DNAAF11: variants seen among roughly 807,000 people sequenced by gnomAD.
DNAAF11 encodes the protein dynein axonemal assembly factor 11, also known as leucine rich repeat containing 6.
A neutral mutation model predicts 60.8 loss-of-function variants in DNAAF11; 45 were observed. The observed-to-expected ratio is 0.74, with a 90% CI of 0.58 to 0.95. The LOEUF is 0.95. Among genes scored for constraint, DNAAF11 ranks in the 40% least tolerant of loss-of-function variants. DNAAF11 has a pLI of 0.00. For synonymous variants in DNAAF11, 191 were observed against 183.5 expected, an observed-to-expected ratio of 1.04 and a Z score of -0.33; for missense variants, 546 against 546.2, an observed-to-expected ratio of 1.00 and a Z score of 0.00.
intron 2 of DNAAF11, among the ~76,000 whole-genome samples, chr8:132,660,482 C>T (rs1824025498): frequency 6.6e-6 from 1 of 152,168 alleles, no homozygotes; most frequent in Non-Finnish European, 1.5e-5. Context: ...AGTGTTCTGA[C>T]CCAGGTTTAC....
intron 1 of DNAAF11, among the ~76,000 whole-genome samples, chr8:132,664,667 C>T (rs1195726662): frequency 1.1e-4 from 16 of 147,690 alleles, no homozygotes; most frequent in Admixed American, 3.4e-4. Context: ...GTTTCACCAT[C>T]GTGTCCACAT....
intron 10 of DNAAF11, among the ~76,000 whole-genome samples, chr8:132,606,733 T>C (rs1017811629): frequency 4.6e-5 from 7 of 152,136 alleles, no homozygotes; most frequent in African/African-American, 1.7e-4. Context: ...CAGGCTGGTC[T>C]CAAGCTCCTG....
At chr8:132,691,473 G>A in the DNAAF11 span, among the ~76,000 whole-genome samples, 3 of 152,048 alleles carry the variant, frequency 2.0e-5, 1 homozygote, top group South Asian at 6.2e-4. Context: ...TTTCATTGGA[G>A]AATGGTATTG....
chr8:132,680,231 GGT>G (rs1825845002), upstream of DNAAF11, among the ~76,000 whole-genome samples: 1 of 152,182 alleles, frequency 6.6e-6, no homozygotes, highest in South Asian at 2.1e-4. Context: ...AAAGAGTTGT[GGT>G]GTGTGTCTGT....
the DNAAF11 span, among the ~76,000 whole-genome samples, chr8:132,700,751 C>T: frequency 2.8e-4 from 42 of 152,248 alleles, 1 homozygote; most frequent in East Asian, 2.9e-3. Flanking sequence ...ATACATCCAT[C>T]GTCCCCAAGG....
chr8:132,587,017 A>G (rs1450618146), intron 10 of DNAAF11, among the ~76,000 whole-genome samples: 1 of 152,220 alleles, frequency 6.6e-6, no homozygotes, highest in Non-Finnish European at 1.5e-5. Context: ...GCTTAAAAAA[A>G]AGAAAGCTCT....
At chr8:132,668,042 T>G (rs1284702694) in intron 1 of DNAAF11, among the ~76,000 whole-genome samples, 1 of 152,222 alleles carries the variant, frequency 6.6e-6, no homozygotes, top group Admixed American at 6.5e-5. Context: ...ATGTATTTAT[T>G]GAAGATTTTG....
chr8:132,648,719 GACAA>G (rs530694809), intron 3 of DNAAF11, among the ~76,000 whole-genome samples: 81 of 152,202 alleles, frequency 5.3e-4, no homozygotes, highest in African/African-American at 1.8e-3. Flanking sequence ...ACCAATAACA[GACAA>G]ACAGAGAGCC....
intron 7 of DNAAF11, among the ~76,000 whole-genome samples, chr8:132,620,731 T>G (rs1819672032): frequency 6.6e-6 from 1 of 152,206 alleles, no homozygotes; most frequent in South Asian, 2.1e-4. Context: ...GTGAATTATC[T>G]TATGGTCTTC....
the DNAAF11 span, among the ~76,000 whole-genome samples, chr8:132,699,801 G>A: frequency 2.6e-5 from 4 of 152,154 alleles, no homozygotes; most frequent in Non-Finnish European, 4.4e-5. Flanking sequence ...TAAGATGTGA[G>A]TCGGATAAAC....
At chr8:132,671,684 A>G (rs1408108461) in intron 1 of DNAAF11, among the ~76,000 whole-genome samples, 1 of 152,190 alleles carries the variant, frequency 6.6e-6, no homozygotes, top group Non-Finnish European at 1.5e-5. Context: ...AAGACAAATA[A>G]ATCAATGAAT....
intron 10 of DNAAF11, among the ~76,000 whole-genome samples, chr8:132,604,517 T>A (rs998863337): frequency 6.6e-6 from 1 of 152,210 alleles, no homozygotes; most frequent in Non-Finnish European, 1.5e-5. Context: ...AGTGTTCCTG[T>A]AACTTGTCAT....
intron 5 of DNAAF11, among the ~76,000 whole-genome samples, chr8:132,631,980 C>T (rs1291406106): frequency 6.6e-6 from 1 of 150,732 alleles, no homozygotes; most frequent in East Asian, 1.9e-4. Context: ...CAAACCTGCA[C>T]GTTGTGCACA....
At chr8:132,694,338 A>G in the DNAAF11 span, among the ~76,000 whole-genome samples, 1 of 152,188 alleles carries the variant, frequency 6.6e-6, no homozygotes, top group Admixed American at 6.6e-5. Flanking sequence ...GCCTAATCCA[A>G]TATGACTGGT....
At chr8:132,624,152 T>C (rs1223982381) in intron 6 of DNAAF11, among the ~76,000 whole-genome samples, 2 of 152,210 alleles carry the variant, frequency 1.3e-5, no homozygotes, top group Non-Finnish European at 2.9e-5. Flanking sequence ...ATGTAAGAAA[T>C]AGTTCACATT....
chr8:132,668,786 C>T (rs2130868047), intron 1 of DNAAF11, among the ~76,000 whole-genome samples: 1 of 152,188 alleles, frequency 6.6e-6, no homozygotes, highest in South Asian at 2.1e-4. Context: ...TTAGATAAAC[C>T]AGGAAAGGGC....
At chr8:132,603,123 G>A (rs1817794067) in intron 10 of DNAAF11, among the ~76,000 whole-genome samples, 1 of 152,110 alleles carries the variant, frequency 6.6e-6, no homozygotes, top group Admixed American at 6.6e-5. Flanking sequence ...GAGGACAGTG[G>A]CTATTCACTA....
At chr8:132,666,029 G>A (rs1824590491) in intron 1 of DNAAF11, among the ~76,000 whole-genome samples, 1 of 152,180 alleles carries the variant, frequency 6.6e-6, no homozygotes, top group Non-Finnish European at 1.5e-5. Context: ...TCACTTATAA[G>A]TGGGAGCTAA....
rs1814177251 is a variant in DNAAF11, at chr8:132,571,468, T to C, written c.*838A>G. 6.7e-6 allele frequency among the ~76,000 whole-genome samples: 1 copy of C among 148,566 alleles called. No individual in the cohort carries two copies. ...GATATTAAAAAAGTAAAGAAGGAAA[T>C]AGAGGAGAAGGAGTGGGATGGGGAG... On this transcript the variant is annotated 3_prime_UTR_variant, in exon 12 of 12. Transcript: ENST00000620350.
Sources: gnomAD v4.1 joint callset for allele counts (sites outside exome capture counted in the v4.1 genomes callset) on GRCh38, gnomAD v4.1.1 for gene constraint, MANE v1.5 for transcripts, NCBI Gene and HGNC (gene_info 2026-07-23, HGNC 2026-07-21) for gene names.